The following EYA4 variants were observed in gnomAD, a reference collection of about 807,000 sequenced individuals.
EYA4 encodes EYA transcriptional coactivator and phosphatase 4, also known as protein phosphatase EYA4.
Under a neutral mutation model 87.9 loss-of-function variants are expected in EYA4, and 31 were observed. That is an observed-to-expected ratio of 0.35 (90% CI 0.27 to 0.48). The LOEUF is 0.48. EYA4 is among the 20% of genes least tolerant of loss of function. The pLI is 0.99. For missense variants in EYA4, 678 were observed against 761.4 expected (o/e 0.89, Z 1.29); for synonymous variants, 263 against 270.6 (o/e 0.97, Z 0.28).
intron 2 of EYA4, among the ~76,000 whole-genome samples, chr6:133,334,898 C>T (rs917582889): frequency 6.6e-6 from 1 of 152,100 alleles, no homozygotes; most frequent in African/African-American, 2.4e-5. Context: ...AAAATCAAGC[C>T]AGCTACATAT....
chr6:133,328,748 G>C (rs1233903049), intron 2 of EYA4, among the ~76,000 whole-genome samples: 1 of 152,074 alleles, frequency 6.6e-6, no homozygotes, highest in East Asian at 1.9e-4. Context: ...ATAAAGGGTT[G>C]TCTCTCCAAA....
At chr6:133,488,485 T>C (rs1796866500) in intron 13 of EYA4, among the ~76,000 whole-genome samples, 1 of 152,148 alleles carries the variant, frequency 6.6e-6, no homozygotes, top group South Asian at 2.1e-4. Context: ...TCCAGCACAG[T>C]CCCAGGGTGG....
chr6:133,293,368 C>CT (rs565026148), intron 2 of EYA4, among the ~76,000 whole-genome samples: 2 of 152,080 alleles, frequency 1.3e-5, no homozygotes, highest in African/African-American at 4.8e-5. Flanking sequence ...TGATGAATTC[C>CT]TTTTTTTATA....
chr6:133,254,770 CT>C lies in EYA4; in HGVS notation c.-66+13022del, dbSNP rs1396440469. The stretch of plus-strand genomic sequence containing the variant: ...GATCAGATCAGAAGAGAGATCTAGC[CT>C]AACCCTTCCATTTTGCAGATGAGAT... On this transcript the variant is annotated intron_variant, in intron 1 of 19. Transcript: ENST00000355286. Among the ~76,000 whole-genome samples the C allele has an allele frequency of 2.9e-4, 44 of 152,286 alleles. 1 individual carries two copies. Among genetic ancestry groups the C allele is most frequent in the African/African-American group, 1.0e-3 (43 of 41,580 alleles).
intron 11 of EYA4, among the ~76,000 whole-genome samples, chr6:133,473,719 G>A (rs991998130): frequency 6.6e-6 from 1 of 151,706 alleles, no homozygotes; most frequent in Non-Finnish European, 1.5e-5. Flanking sequence ...TTGTCCCTTT[G>A]GGGCTCTCTG....
chr6:133,282,245 C>T (rs984964348), intron 2 of EYA4, among the ~76,000 whole-genome samples: 2 of 152,108 alleles, frequency 1.3e-5, no homozygotes, highest in African/African-American at 4.8e-5. Context: ...GCAGCCTTGC[C>T]AACATCTGTT....
intron 14 of EYA4, among the ~76,000 whole-genome samples, chr6:133,508,606 C>A (rs1200474823): frequency 1.3e-5 from 2 of 151,992 alleles, no homozygotes; most frequent in Non-Finnish European, 2.9e-5. Flanking sequence ...GAACTTTTAG[C>A]TTTTGTAGTG....
At chr6:133,335,672 C>T (rs1345892147) in intron 2 of EYA4, among the ~76,000 whole-genome samples, 1 of 152,092 alleles carries the variant, frequency 6.6e-6, no homozygotes, top group African/African-American at 2.4e-5. Flanking sequence ...TTGGAGAGGA[C>T]ATTCTAGGTG....
intron 17 of EYA4, among the ~76,000 whole-genome samples, chr6:133,522,174 T>G (rs938029171): frequency 1.3e-5 from 2 of 150,876 alleles, no homozygotes; most frequent in Non-Finnish European, 3.0e-5. Flanking sequence ...GAGTAGTTTT[T>G]TTTTTTTTTT....
intron 3 of EYA4, among the ~76,000 whole-genome samples, chr6:133,439,088 G>C (rs1185301239): frequency 7.1e-6 from 1 of 140,734 alleles, no homozygotes; most frequent in African/African-American, 2.6e-5. Context: ...TCTTTGGGTT[G>C]GGCGAGTCTA....
At chr6:133,442,199 G>A (rs1387120261) in intron 3 of EYA4, among the ~76,000 whole-genome samples, 2 of 151,918 alleles carry the variant, frequency 1.3e-5, no homozygotes, top group Non-Finnish European at 2.9e-5. Context: ...TCTGCTTTTT[G>A]TTAGGTCACA....
In EYA4 at chr6:133,530,800, T is replaced by G; in HGVS notation, c.*1995T>G. On this transcript the variant is annotated 3_prime_UTR_variant, in exon 20 of 20. Transcript: ENST00000355286. ...AGCTTTTGGCTGCATCTGCCCCAAGTACTATTCCAGGCAAATTAAAGTTGG... is the reference window on the plus strand; with the variant it reads ...AGCTTTTGGCTGCATCTGCCCCAAGGACTATTCCAGGCAAATTAAAGTTGG... 1 of 989,782 alleles carries G rather than the reference T, an allele frequency of 1.0e-6. No homozygotes were observed. Among genetic ancestry groups the G allele is most frequent in the Admixed American group, 6.0e-5 (1 of 16,732 alleles). 61.3% of individuals were successfully genotyped at this position (989,782 alleles called of 1,614,324 possible).
chr6:133,451,567 A>G (rs1793444325), intron 5 of EYA4, among the ~76,000 whole-genome samples: 1 of 152,236 alleles, frequency 6.6e-6, no homozygotes. Flanking sequence ...ATTGAAATGT[A>G]TCAAGTTCCT....
intron 3 of EYA4, among the ~76,000 whole-genome samples, chr6:133,423,880 G>T (rs924778694): frequency 1.3e-5 from 2 of 152,140 alleles, no homozygotes; most frequent in African/African-American, 4.8e-5. Context: ...CTTTACCCAG[G>T]TTCTTGTCCT....
intron 2 of EYA4, among the ~76,000 whole-genome samples, chr6:133,370,611 G>A (rs1404780525): frequency 1.3e-5 from 2 of 152,168 alleles, no homozygotes; most frequent in African/African-American, 4.8e-5. Flanking sequence ...CGTGATAAGT[G>A]ATAATAGATT....
At chr6:133,422,230 T>C (rs1030409226) in intron 3 of EYA4, among the ~76,000 whole-genome samples, 2 of 152,156 alleles carry the variant, frequency 1.3e-5, no homozygotes, top group African/African-American at 4.8e-5. Flanking sequence ...ACCCCATTGC[T>C]CCTTGAGAAA....
chr6:133,339,305 T>C (rs79021277), intron 2 of EYA4, among the ~76,000 whole-genome samples: 15,448 of 152,170 alleles, frequency 0.1, 979 homozygotes, highest in East Asian at 0.15. Flanking sequence ...GCTGGTAGAA[T>C]GAGTGGAGCT....
chr6:133,523,647 G>T (rs187524210), intron 18 of EYA4, among the ~76,000 whole-genome samples: 1 of 152,086 alleles, frequency 6.6e-6, no homozygotes, highest in Non-Finnish European at 1.5e-5. Context: ...CATAACACAT[G>T]AGCGACTGGA....
At chr6:133,373,176 A>G (rs9385645) in intron 2 of EYA4, among the ~76,000 whole-genome samples, 26,168 of 151,966 alleles carry the variant, frequency 0.17, 2,416 homozygotes, top group East Asian at 0.35. Flanking sequence ...ATATGTAACT[A>G]TGCCTGTGGC....
Sources: allele counts gnomAD v4.1 joint callset (sites outside exome capture counted in the v4.1 genomes callset), GRCh38; gene constraint gnomAD v4.1.1; transcripts MANE v1.5; gene names NCBI Gene and HGNC (gene_info 2026-07-23, HGNC 2026-07-21).